The following PXYLP1 variants were observed in gnomAD, a reference collection of about 807,000 sequenced individuals.
The protein encoded by PXYLP1 is 2-phosphoxylose phosphatase 1, also known as acid phosphatase-like 2.
Under a neutral mutation model 37.9 loss-of-function variants are expected in PXYLP1, and 17 were observed. That is an observed-to-expected ratio of 0.45 (90% CI 0.31 to 0.67). The LOEUF (loss-of-function observed/expected upper bound fraction) is 0.67, where lower values mean the gene tolerates loss of function less well. Ranked by LOEUF, PXYLP1 falls within the 30% of genes least tolerant of loss-of-function variation. PXYLP1 has a pLI of 0.07. For synonymous variants in PXYLP1, 221 were observed against 232.2 expected, an observed-to-expected ratio of 0.95 and a Z score of 0.44; for missense variants, 511 against 612.0, an observed-to-expected ratio of 0.84 and a Z score of 1.74.
intron 4 of PXYLP1, among the ~76,000 whole-genome samples, chr3:141,284,057 A>G (rs904957853): frequency 6.6e-6 from 1 of 152,146 alleles, no homozygotes; most frequent in African/African-American, 2.4e-5. Context: ...TTTCATGGAT[A>G]TAATTATGTC....
At chr3:141,286,977 A>G (rs182095613) in intron 4 of PXYLP1, among the ~76,000 whole-genome samples, 1 of 152,332 alleles carries the variant, frequency 6.6e-6, no homozygotes, top group Admixed American at 6.5e-5. Flanking sequence ...TGCCCAGCCT[A>G]GGCGTGACTG....
At chr3:141,272,157 G>A (rs1941679592) in intron 2 of PXYLP1, among the ~76,000 whole-genome samples, 1 of 152,190 alleles carries the variant, frequency 6.6e-6, no homozygotes, top group Admixed American at 6.5e-5. Flanking sequence ...GACACCCTAG[G>A]GGAAAGAAAC....
intron 4 of PXYLP1, among the ~76,000 whole-genome samples, chr3:141,282,515 G>C (rs987919291): frequency 4.0e-5 from 4 of 99,436 alleles, no homozygotes; most frequent in Admixed American, 2.9e-4. Flanking sequence ...CACACACACA[G>C]AGTGTTCATT....
intron 4 of PXYLP1, among the ~76,000 whole-genome samples, chr3:141,284,316 G>A (rs60131538): frequency 0.021 from 3,225 of 152,224 alleles, 124 homozygotes; most frequent in African/African-American, 0.073. Flanking sequence ...CTAAATAATG[G>A]CTGGAAGGAA....
At chr3:141,254,577 G>T (rs912946039) in intron 1 of PXYLP1, among the ~76,000 whole-genome samples, 3 of 152,124 alleles carry the variant, frequency 2.0e-5, no homozygotes, top group Non-Finnish European at 4.4e-5. Flanking sequence ...TTCAAGGTTG[G>T]TTTTTCTTGG....
At chr3:141,239,699 A>G (rs939297121) in intron 1 of PXYLP1, among the ~76,000 whole-genome samples, 1 of 152,196 alleles carries the variant, frequency 6.6e-6, no homozygotes, top group African/African-American at 2.4e-5. Context: ...CTGTGTGCCA[A>G]ATGCCCGAAG....
chr3:141,249,354 A>T (rs1468690504), intron 1 of PXYLP1, among the ~76,000 whole-genome samples: 1 of 152,112 alleles, frequency 6.6e-6, no homozygotes, highest in Non-Finnish European at 1.5e-5. Flanking sequence ...GTCCATCCAG[A>T]GCAAAATCCC....
chr3:141,274,235 C>T, intron 2 of PXYLP1: 1 of 1,210,616 alleles, frequency 8.3e-7, no homozygotes, highest in Non-Finnish European at 1.0e-6. Flanking sequence ...GTGAGTAGCA[C>T]AGCACCAGGG....
At position 141,294,359 on chromosome 3, in the gene PXYLP1, T is replaced by TC. The variant is rs2148854706; in HGVS notation, c.*1155dup. On this transcript the variant is annotated 3_prime_UTR_variant, in exon 6 of 6. Coordinates refer to ENST00000286353, the MANE Select transcript of PXYLP1 (RefSeq NM_001037172.3). ...AACTGGATTCATTTTTAAACCATTT[T>TC]CATCAGTTTCAAATGGTAAATTCTG... 1 of 152,354 alleles carries TC rather than the reference T, an allele frequency of 6.6e-6. No homozygotes were observed. The highest frequency in any genetic ancestry group is 2.4e-5 in the African/African-American group (1 of 41,586). The allele number at this position is 152,354 out of a possible 1,614,324, so 9.4% of individuals were successfully genotyped here.
intron 1 of PXYLP1, among the ~76,000 whole-genome samples, chr3:141,236,975 T>C (rs762619710): frequency 1.2e-4 from 18 of 152,220 alleles, no homozygotes; most frequent in Non-Finnish European, 2.5e-4. Flanking sequence ...GGATCATGCA[T>C]TATGTTTATA....
At chr3:141,257,795 T>A (rs573109460) in intron 1 of PXYLP1, among the ~76,000 whole-genome samples, 16 of 150,248 alleles carry the variant, frequency 1.1e-4, no homozygotes, top group African/African-American at 3.9e-4. Flanking sequence ...TCCCACCTAC[T>A]CAGGAGGCTG....
At chr3:141,287,490 C>T in intron 5 of PXYLP1, 37 bp downstream of exon 5, 1 of 1,601,042 alleles carries the variant, frequency 6.2e-7, no homozygotes, top group South Asian at 1.1e-5. Context: ...GGTTCCCCCA[C>T]CCGCTCTTCT....
chr3:141,258,442 AG>A (rs1236882751), intron 1 of PXYLP1: 1 of 154,340 alleles, frequency 6.5e-6, no homozygotes, highest in Non-Finnish European at 1.4e-5. Flanking sequence ...AAGGGTGGCA[AG>A]AAGAAGGGCC....
intron 1 of PXYLP1, chr3:141,232,523 G>A (rs7636976): frequency 0.26 from 39,371 of 152,336 alleles, 7,372 homozygotes; most frequent in African/African-American, 0.53. Flanking sequence ...GCCTCCGGGA[G>A]TCCCGGGCCT....
intron 1 of PXYLP1, among the ~76,000 whole-genome samples, chr3:141,240,070 C>T (rs923989963): frequency 6.6e-6 from 1 of 152,170 alleles, no homozygotes; most frequent in African/African-American, 2.4e-5. Flanking sequence ...TAACAAAATG[C>T]GTGAAGATAG....
intron 1 of PXYLP1, among the ~76,000 whole-genome samples, chr3:141,232,986 A>T (rs1180575083): frequency 4.0e-5 from 6 of 151,776 alleles, no homozygotes; most frequent in Non-Finnish European, 8.8e-5. Flanking sequence ...TGGATGGGGG[A>T]TCGGAGAGTG....
At chr3:141,271,375 AG>A (rs535035820) in intron 2 of PXYLP1, among the ~76,000 whole-genome samples, 94 of 152,300 alleles carry the variant, frequency 6.2e-4, no homozygotes, top group African/African-American at 2.2e-3. Flanking sequence ...CCAAGGAAAA[AG>A]TGACTGTAGT....
intron 4 of PXYLP1, among the ~76,000 whole-genome samples, chr3:141,283,489 G>C (rs1383547556): frequency 3.9e-5 from 6 of 152,152 alleles, no homozygotes; most frequent in Non-Finnish European, 2.9e-5. Context: ...AGGGGCCAGG[G>C]ATGTTGCAAA....
At chr3:141,239,548 A>G (rs868071344) in intron 1 of PXYLP1, among the ~76,000 whole-genome samples, 36 of 152,202 alleles carry the variant, frequency 2.4e-4, no homozygotes, top group Admixed American at 9.8e-4. Flanking sequence ...TCTTGCTCTA[A>G]TGACTGCTGA....
Sources: gnomAD v4.1 joint callset for allele counts (sites outside exome capture counted in the v4.1 genomes callset) on GRCh38, gnomAD v4.1.1 for gene constraint, MANE v1.5 for transcripts, NCBI Gene and HGNC (gene_info 2026-07-23, HGNC 2026-07-21) for gene names.